Variants in BMPR1A observed in about 807,000 individuals in gnomAD.
BMPR1A encodes bone morphogenetic protein receptor type-1A.
Under a neutral mutation model 66.0 loss-of-function variants are expected in BMPR1A, and 7 were observed. The ratio of observed to expected loss-of-function variants is 0.11; its 90% CI spans 0.06 to 0.20. The LOEUF (loss-of-function observed/expected upper bound fraction) is 0.20. Ranked by LOEUF, BMPR1A falls within the 10% of genes least tolerant of loss-of-function variation. The probability of loss-of-function intolerance (pLI) is 1.00; values close to 1 mark genes in which losing one functional copy is unlikely to be tolerated. For synonymous variants in BMPR1A, 200 were observed against 229.7 expected, an observed-to-expected ratio of 0.87 and a Z score of 1.17; for missense variants, 408 against 669.1, an observed-to-expected ratio of 0.61 and a Z score of 4.31.
downstream of BMPR1A, chr10:86,930,886 C>T (rs1389587105): frequency 6.6e-6 from 1 of 152,120 alleles, no homozygotes; most frequent in African/African-American, 2.4e-5. Flanking sequence ...GACCATGCCA[C>T]CATGCCTGGC....
At chr10:86,766,825 G>GTTTT (rs1163287108) in intron 1 of BMPR1A, among the ~76,000 whole-genome samples, 1 of 134,108 alleles carries the variant, frequency 7.5e-6, no homozygotes, top group Non-Finnish European at 1.6e-5. Flanking sequence ...AGCCAGGATG[G>GTTTT]TTTTTTTTTT....
chr10:86,865,913 A>G (rs1842780184), intron 2 of BMPR1A, among the ~76,000 whole-genome samples: 1 of 152,180 alleles, frequency 6.6e-6, no homozygotes. Context: ...GTTTTTGAGG[A>G]GCTGGGACTG....
intron 3 of BMPR1A, among the ~76,000 whole-genome samples, chr10:86,887,984 C>T (rs989031437): frequency 6.6e-6 from 1 of 152,144 alleles, no homozygotes; most frequent in African/African-American, 2.4e-5. Flanking sequence ...TTCCCCCACC[C>T]CATCTTTTAC....
chr10:86,845,921 C>T (rs888200643), intron 2 of BMPR1A, among the ~76,000 whole-genome samples: 3 of 151,558 alleles, frequency 2.0e-5, no homozygotes, highest in Non-Finnish European at 4.4e-5. Flanking sequence ...GGCGTGGACT[C>T]GGGAGGTGGA....
At chr10:86,760,388 G>A (rs1841030761) in intron 1 of BMPR1A, among the ~76,000 whole-genome samples, 1 of 150,926 alleles carries the variant, frequency 6.6e-6, no homozygotes. Flanking sequence ...CAGGTAGCTG[G>A]GACCACGCCT....
intron 1 of BMPR1A, among the ~76,000 whole-genome samples, chr10:86,829,956 G>A (rs1842245391): frequency 6.6e-6 from 1 of 152,146 alleles, no homozygotes; most frequent in African/African-American, 2.4e-5. Context: ...ACTTGTTAAA[G>A]CATGGGAAGG....
intron 2 of BMPR1A, among the ~76,000 whole-genome samples, chr10:86,868,328 CTGA>C (rs1272498436): frequency 6.6e-6 from 1 of 152,214 alleles, no homozygotes; most frequent in African/African-American, 2.4e-5. Context: ...GTTTTCTACA[CTGA>C]TGTAAATAAC....
chr10:86,804,396 C>T (rs1422073252), intron 1 of BMPR1A, among the ~76,000 whole-genome samples: 1 of 152,086 alleles, frequency 6.6e-6, no homozygotes, highest in African/African-American at 2.4e-5. Context: ...CCCACCACCA[C>T]ACCCGGCTAA....
At chr10:86,895,747 G>A (rs1460649152) in intron 5 of BMPR1A, among the ~76,000 whole-genome samples, 3 of 151,622 alleles carry the variant, frequency 2.0e-5, no homozygotes, top group Non-Finnish European at 2.9e-5. Context: ...GAAATGCCTG[G>A]CCAGGTGCAG....
At chr10:86,850,072 G>A (rs1335402997) in intron 2 of BMPR1A, among the ~76,000 whole-genome samples, 2 of 152,170 alleles carry the variant, frequency 1.3e-5, no homozygotes, top group Admixed American at 6.5e-5. Flanking sequence ...TGTAATCCCA[G>A]CACTTTGGAA....
At chr10:86,834,903 T>C (rs1345335793) in intron 1 of BMPR1A, among the ~76,000 whole-genome samples, 4 of 152,012 alleles carry the variant, frequency 2.6e-5, no homozygotes, top group African/African-American at 9.7e-5. Flanking sequence ...GCAACTATAG[T>C]GTTTGCAGTA....
At chr10:86,814,860 T>C (rs1199967494) in intron 1 of BMPR1A, among the ~76,000 whole-genome samples, 2 of 152,068 alleles carry the variant, frequency 1.3e-5, no homozygotes, top group African/African-American at 2.4e-5. Flanking sequence ...ATCTCGGCTC[T>C]CTACAACCTC....
chr10:86,835,249 G>GAAAAAAAAAAAA (rs200647478), intron 1 of BMPR1A, among the ~76,000 whole-genome samples: 1 of 117,392 alleles, frequency 8.5e-6, no homozygotes, highest in Non-Finnish European at 1.8e-5. Flanking sequence ...AAGAAAAAAA[G>GAAAAAAAAAAAA]AAAAAAAAAA....
At chr10:86,822,428 C>T (rs575432035) in intron 1 of BMPR1A, among the ~76,000 whole-genome samples, 5 of 152,210 alleles carry the variant, frequency 3.3e-5, no homozygotes, top group South Asian at 2.1e-4. Context: ...AGTATACTCA[C>T]GGATCTGTAC....
chr10:86,853,789 C>T (rs756983567), intron 2 of BMPR1A, among the ~76,000 whole-genome samples: 7 of 152,090 alleles, frequency 4.6e-5, no homozygotes, highest in Non-Finnish European at 7.3e-5. Flanking sequence ...ACAGAGATCA[C>T]GTGCTTCACA....
At chr10:86,786,316 C>G (rs1841517507) in intron 1 of BMPR1A, among the ~76,000 whole-genome samples, 1 of 152,140 alleles carries the variant, frequency 6.6e-6, no homozygotes, top group African/African-American at 2.4e-5. Flanking sequence ...CCACCCCGAC[C>G]CCTTTTTTCC....
chr10:86,924,767 A>G lies in BMPR1A; in HGVS notation c.*1048A>G, dbSNP rs1026434417. 5.2e-5 allele frequency: 12 copies of G among 232,712 alleles called. No individual in the cohort carries two copies. Among genetic ancestry groups the G allele is most frequent in the African/African-American group, 2.2e-4 (10 of 45,326 alleles). 14.4% of individuals were successfully genotyped at this position (232,712 alleles called of 1,614,324 possible). A position where few individuals can be genotyped will look rare whatever the true frequency, so the allele number is the denominator to read the frequency against. ...CCACTCCTTTACAACCATACTTTATATATGTACATACATTCATACTGTAGA... is the reference window on the plus strand; with the variant it reads ...CCACTCCTTTACAACCATACTTTATGTATGTACATACATTCATACTGTAGA... On this transcript the variant is annotated 3_prime_UTR_variant, in exon 13 of 13. Transcript: ENST00000372037.
At position 86,917,234 on chromosome 10, in the gene BMPR1A, C is replaced by T. The variant is rs905457708; in HGVS notation, c.776C>T (p.Ala259Val). Residue 259 changes from alanine (A) to valine (V), a missense_variant, in exon 9 of 13, where the codon GCG becomes GTG. Around this residue, in one of 5 missense-constraint regions of BMPR1A, gnomAD observed 174 missense variants for 265.1 expected, o/e 0.66. Transcript: ENST00000372037. ...WMGKWRGEKV[A>V]VKVFFTTEEA... Reference sequence around the variant, plus strand: ...GGCAAATGGCGTGGCGAAAAAGTGGCGGTGAAAGTATTCTTTACCACTGAA... The same window carrying T: ...GGCAAATGGCGTGGCGAAAAAGTGGTGGTGAAAGTATTCTTTACCACTGAA... 1.9e-6 allele frequency: 3 copies of T among 1,613,706 alleles called. No homozygotes were observed. The highest frequency in any genetic ancestry group is 1.1e-5 in the South Asian group (1 of 91,060).
rs730881435 is a variant in BMPR1A, at chr10:86,919,246, G to A, written c.943G>A (p.Gly315Arg). 9.3e-6 allele frequency: 15 copies of A among 1,613,928 alleles called. No individual in the cohort carries two copies. Among genetic ancestry groups the A allele is most frequent in the Non-Finnish European group, 1.3e-5 (15 of 1,179,842 alleles). ...LYLITDYHENGSLYDFLKCAT... is the reference protein window; with the variant it reads ...LYLITDYHENRSLYDFLKCAT... ...TTTGATTACTGATTACCATGAAAAT[G>A]GATCTCTCTATGACTTCCTGAAATG... is the stretch of plus-strand genomic sequence containing the variant. The change falls in exon 10 of 13, where the codon GGA (glycine) becomes AGA (arginine). Residue 315 changes from glycine to arginine, a missense_variant. Physicochemically the swap from Gly to Arg is moderately radical, Grantham distance 125. This residue lies in a region of BMPR1A where 174 missense variants were observed against 265.1 expected (regional missense o/e 0.66). Transcript: ENST00000372037.
Sources: allele counts gnomAD v4.1 joint callset (sites outside exome capture counted in the v4.1 genomes callset), GRCh38; gene constraint gnomAD v4.1.1; regional missense constraint gnomAD v4.1.1; transcripts MANE v1.5; gene names NCBI Gene and HGNC (gene_info 2026-07-23, HGNC 2026-07-21).